RBMS3: variants seen among roughly 807,000 people sequenced by gnomAD.
RBMS3 encodes the protein RNA-binding motif, single-stranded-interacting protein 3.
In RBMS3, 27 loss-of-function variants were observed where a neutral mutation model predicts 66.8. The observed-to-expected ratio is 0.40, with a 90% CI of 0.30 to 0.56. The LOEUF is 0.56. Among genes scored for constraint, RBMS3 ranks in the 20% least tolerant of loss-of-function variants. The pLI is 0.40. For synonymous variants in RBMS3, 188 were observed against 183.0 expected (o/e 1.03, Z -0.22); for missense variants, 513 against 549.5 (o/e 0.93, Z 0.66).
At chr3:29,782,183 G>A (rs753281474) in intron 6 of RBMS3, among the ~76,000 whole-genome samples, 6 of 152,018 alleles carry the variant, frequency 3.9e-5, no homozygotes, top group African/African-American at 4.8e-5. Flanking sequence ...CATAGCTGAC[G>A]CGCTCTTGAA....
In RBMS3 at chr3:29,439,469, T is replaced by A. The variant is rs191360505; in HGVS notation, c.248+4554T>A. ...AAATTATGTGTGGTGAAAGATTTTG[T>A]CATATGCATTCTTTTTTCCGTTAAA... On this transcript the variant is annotated intron_variant, in intron 2 of 14. Coordinates refer to ENST00000383767, the MANE Select transcript of RBMS3 (RefSeq NM_001003793.3). Among the ~76,000 whole-genome samples, 11 of 152,216 alleles carry A rather than the reference T, an allele frequency of 7.2e-5. No individual in the cohort carries two copies. In the East Asian group the frequency reaches 1.9e-3, roughly 27 times the overall value.
At chr3:29,313,945 A>G (rs1011581483) in intron 1 of RBMS3, among the ~76,000 whole-genome samples, 1 of 151,694 alleles carries the variant, frequency 6.6e-6, no homozygotes, top group African/African-American at 2.4e-5. Context: ...TAGATGGATT[A>G]TCCTTTAACA....
rs1470252117 is a variant in RBMS3, at chr3:29,363,601, C to T, written c.76-71142C>T. Among the ~76,000 whole-genome samples the T allele has an allele frequency of 2.6e-5, 4 of 152,112 alleles. No individual in the cohort carries two copies. In the East Asian group the frequency reaches 5.8e-4, roughly 22 times the overall value. ...ATCAGGAGTTTGAGACCAGCCTGGC[C>T]GATATGGCGAAACCCCATCTGTACT... On this transcript the variant is annotated intron_variant, in intron 1 of 14. Coordinates refer to ENST00000383767, the MANE Select transcript of RBMS3 (RefSeq NM_001003793.3).
At position 29,562,804 on chromosome 3, in the gene RBMS3, G is replaced by A. The variant is rs571086465; in HGVS notation, c.308-24310G>A. Among the ~76,000 whole-genome samples, 456 of 152,228 alleles carry A rather than the reference G, an allele frequency of 3.0e-3. 1 individual carries two copies. Among genetic ancestry groups the A allele is most frequent in the Non-Finnish European group, 4.9e-3 (333 of 68,022 alleles). On this transcript the variant is annotated intron_variant, in intron 3 of 14. Transcript: ENST00000383767. ...CCATACTCACTCATCATAAGCATAG[G>A]TTATCTTTGAGTAGAAGACTAAATC...
intron 1 of RBMS3, among the ~76,000 whole-genome samples, chr3:29,324,046 C>T (rs1411013875): frequency 6.6e-6 from 1 of 151,198 alleles, no homozygotes; most frequent in Non-Finnish European, 1.5e-5. Context: ...TTTAACATAC[C>T]TAGATTTTTT....
At chr3:29,351,752 G>C (rs1360292981) in intron 1 of RBMS3, among the ~76,000 whole-genome samples, 1 of 151,746 alleles carries the variant, frequency 6.6e-6, no homozygotes, top group Non-Finnish European at 1.5e-5. Flanking sequence ...TTTTTCTTTT[G>C]TGCTTTCTAG....
chr3:29,946,298 A>T (rs927558632), intron 12 of RBMS3, among the ~76,000 whole-genome samples: 5 of 151,810 alleles, frequency 3.3e-5, no homozygotes, highest in Admixed American at 2.0e-4. Flanking sequence ...TCTCCTTCCC[A>T]AATCTTCCAA....
intron 1 of RBMS3, among the ~76,000 whole-genome samples, chr3:29,293,763 G>A (rs190684740): frequency 2.0e-5 from 3 of 150,184 alleles, no homozygotes; most frequent in Admixed American, 2.0e-4. Flanking sequence ...TTTCTTGCTC[G>A]CCCTTTCTTC....
At chr3:29,625,038 C>G (rs1405565916) in intron 4 of RBMS3, among the ~76,000 whole-genome samples, 1 of 152,130 alleles carries the variant, frequency 6.6e-6, no homozygotes, top group Non-Finnish European at 1.5e-5. Flanking sequence ...CTCACAAAAT[C>G]TGATGGTTGC....
chr3:29,687,657 A>G (rs1361108958), intron 4 of RBMS3, among the ~76,000 whole-genome samples: 3 of 152,228 alleles, frequency 2.0e-5, no homozygotes, highest in Non-Finnish European at 4.4e-5. Flanking sequence ...GTTGGTTCAT[A>G]TAGGGAATGT....
intron 3 of RBMS3, among the ~76,000 whole-genome samples, chr3:29,549,393 A>G (rs1187151315): frequency 6.9e-6 from 1 of 145,364 alleles, no homozygotes; most frequent in Admixed American, 7.0e-5. Context: ...ATACAATTGG[A>G]TTGATTTTTT....
intron 6 of RBMS3, among the ~76,000 whole-genome samples, chr3:29,787,996 T>G (rs903182179): frequency 6.6e-6 from 1 of 152,140 alleles, no homozygotes; most frequent in African/African-American, 2.4e-5. Context: ...TTCAAGAACT[T>G]CACAGTGAAA....
At chr3:29,413,372 TCATACATACATACATACATACATA>T (rs10530714) in intron 1 of RBMS3, among the ~76,000 whole-genome samples, 2 of 109,864 alleles carry the variant, frequency 1.8e-5, no homozygotes, top group South Asian at 6.5e-4. Flanking sequence ...TCCATCTCAT[TCATACATACATACATACATACATA>T]CATACATACA....
chr3:29,412,511 T>C (rs1475183570), intron 1 of RBMS3, among the ~76,000 whole-genome samples: 1 of 152,202 alleles, frequency 6.6e-6, no homozygotes, highest in Non-Finnish European at 1.5e-5. Context: ...CTAATAAAAC[T>C]AATAATATAA....
intron 1 of RBMS3, among the ~76,000 whole-genome samples, chr3:29,434,514 T>A (rs1418108569): frequency 6.6e-6 from 1 of 152,194 alleles, no homozygotes; most frequent in African/African-American, 2.4e-5. Context: ...GAGCACCTGA[T>A]AACTGTTTTT....
At chr3:29,520,708 T>A (rs1331331019) in intron 3 of RBMS3, among the ~76,000 whole-genome samples, 1 of 152,214 alleles carries the variant, frequency 6.6e-6, no homozygotes, top group African/African-American at 2.4e-5. Context: ...TTATGCTTTA[T>A]TCCTGTGTCT....
intron 4 of RBMS3, among the ~76,000 whole-genome samples, chr3:29,605,860 A>G (rs1036591674): frequency 6.6e-6 from 1 of 151,798 alleles, no homozygotes; most frequent in African/African-American, 2.4e-5. Context: ...TTCCAAGAAG[A>G]TCGTCACAAC....
At chr3:29,740,878 G>GA (rs1340339301) in intron 5 of RBMS3, among the ~76,000 whole-genome samples, 1 of 151,752 alleles carries the variant, frequency 6.6e-6, no homozygotes, top group Non-Finnish European at 1.5e-5. Flanking sequence ...CATCTCTACT[G>GA]AAAATACAAA....
intron 12 of RBMS3, among the ~76,000 whole-genome samples, chr3:29,946,852 T>A (rs1695348871): frequency 6.6e-6 from 1 of 151,560 alleles, no homozygotes; most frequent in African/African-American, 2.4e-5. Context: ...TGTATTTGTG[T>A]GATTAATCTG....
Sources: gnomAD v4.1 joint callset for allele counts (sites outside exome capture counted in the v4.1 genomes callset) on GRCh38, gnomAD v4.1.1 for gene constraint, MANE v1.5 for transcripts, NCBI Gene and HGNC (gene_info 2026-07-23, HGNC 2026-07-21) for gene names.